Variants in RD3L observed in about 807,000 individuals in gnomAD.
RD3L encodes the protein protein RD3-like.
Under a neutral mutation model 12.5 loss-of-function variants are expected in RD3L, and 6 were observed. That is an observed-to-expected ratio of 0.48 (90% confidence interval 0.26 to 0.95). RD3L has a LOEUF of 0.95. Among genes scored for constraint, RD3L ranks in the 40% least tolerant of loss-of-function variants. The pLI is 0.14. For synonymous variants in RD3L, 87 were observed against 79.3 expected (o/e 1.10, Z -0.52); for missense variants, 234 against 228.6 (o/e 1.02, Z -0.15).
At chr14:103,941,184 A>G (rs1266341509) in intron 2 of RD3L, 81 bp from the exon 3 acceptor site, 6 of 1,159,872 alleles carry the variant, frequency 5.2e-6, no homozygotes, top group Non-Finnish European at 7.1e-6. Context: ...AGCTTGAATA[A>G]TGTATACAAG....
In RD3L at chr14:103,941,636, A is replaced by G. The variant is rs1566726411; in HGVS notation, c.60T>C (p.Tyr20=). The G allele has an allele frequency of 2.0e-6, 3 of 1,535,252 alleles. No homozygotes were observed. Among genetic ancestry groups the G allele is most frequent in the Middle Eastern group, 1.7e-4 (1 of 5,984 alleles). ...TCTTTGTCACTATGTCTGAGCCAGG[A>G]TAGTGTGTGGGTTTGTAGGAATCGT... ...PKNDSYKPTH[Y]PGSDIVTKTL... Residue 20 remains tyrosine, a synonymous_variant, in exon 2 of 3, where the codon TAT becomes TAC. Transcript: ENST00000557640.
chr14:103,941,746 T>C, intron 1 of RD3L, 44 bp from the exon 2 acceptor site: 1 of 1,320,722 alleles, frequency 7.6e-7, no homozygotes, highest in Non-Finnish European at 1.0e-6. Flanking sequence ...AAATGTTATG[T>C]TCTTCTGAGC....
Position 103,941,669 on chromosome 14 carries a change from C to A in RD3L, c.27G>T (p.Trp9Cys). MPLFGWMK[W>C]PKNDSYKPTH... Reference sequence around the variant, plus strand: ...TGGGTTTGTAGGAATCGTTTTTGGGCCATTTCATCCAGCCAAAAAGTGGCA... The same window carrying A: ...TGGGTTTGTAGGAATCGTTTTTGGGACATTTCATCCAGCCAAAAAGTGGCA... Residue 9 changes from tryptophan (W) to cysteine (C), a missense_variant, in exon 2 of 3, where the codon TGG becomes TGT. Transcript: ENST00000557640. 1 of 1,520,578 alleles carries A rather than the reference C, an allele frequency of 6.6e-7. No homozygotes were observed. Among genetic ancestry groups the A allele is most frequent in the South Asian group, 1.2e-5 (1 of 81,144 alleles). 94.2% of individuals were successfully genotyped at this position (1,520,578 alleles called of 1,614,324 possible).
rs2152119961 is a variant in RD3L at position 103,941,478 on chromosome 14, G to A, written c.218C>T (p.Thr73Ile). The change falls in exon 2 of 3, where the codon ACT becomes ATT. Residue 73 changes from threonine (T) to isoleucine (I), a missense_variant. Coordinates refer to ENST00000557640, the MANE Select transcript of RD3L (RefSeq NM_001257268.2). ...WLRNYQNPHT[T>I]IPVTEQRQLE... The stretch of plus-strand genomic sequence containing the variant: ...TTGTCTTTGTTCAGTCACTGGGATA[G>A]TTGTGTGGGGATTCTGGTAGTTTCT... 6.5e-7 allele frequency: 1 copy of A among 1,535,296 alleles called. No individual in the cohort carries two copies. The highest frequency in any genetic ancestry group is 2.4e-5 in the East Asian group (1 of 40,914).
intron 2 of RD3L, 49 bp from the exon 3 acceptor site, chr14:103,941,152 T>C (rs1595895461): frequency 3.0e-6 from 4 of 1,332,672 alleles, no homozygotes; most frequent in Non-Finnish European, 3.1e-6. Context: ...TTTTTTGTTA[T>C]ATCTCTTTAT....
chr14:103,941,536 C>G lies in RD3L; in HGVS notation c.160G>C (p.Val54Leu), dbSNP rs2152119987. Reference sequence around the variant, plus strand: ...TTGTAATCCACACCTGTTTTTTTCACTTTTTGTTCATTTTCGATTTCTTGT... The same window carrying G: ...TTGTAATCCACACCTGTTTTTTTCAGTTTTTGTTCATTTTCGATTTCTTGT... The part of the protein sequence containing the change: ...LIQEIENEQK[V>L]KKTGVDYNWL... Residue 54 changes from valine to leucine, a missense_variant, in exon 2 of 3, where the codon GTG (valine) becomes CTG (leucine). Val to Leu is a conservative substitution (Grantham distance 32, BLOSUM62 1). Coordinates refer to ENST00000557640, the MANE Select transcript of RD3L (RefSeq NM_001257268.2). 5 of 1,535,270 alleles carry G rather than the reference C, an allele frequency of 3.3e-6. No homozygotes were observed. Among genetic ancestry groups the G allele is most frequent in the African/African-American group, 2.7e-5 (2 of 73,102 alleles).
rs1295085360 is a variant in RD3L at position 103,941,582 on chromosome 14, T to A, written c.114A>T (p.Leu38=). Residue 38 remains leucine, a synonymous_variant, in exon 2 of 3, where the codon CTA becomes CTT. Coordinates refer to ENST00000557640, the MANE Select transcript of RD3L (RefSeq NM_001257268.2). The stretch of plus-strand genomic sequence containing the variant: ...CTTGTATTAATCTCTCTCGCTCCTT[T>A]AGGTGCCATTTTAATTCCCGAAGCA... ...KTLLRELKWH[L]KERERLIQEI... 6.5e-7 allele frequency: 1 copy of A among 1,535,354 alleles called. No individual in the cohort carries two copies.
chr14:103,941,237 G>A, intron 2 of RD3L, 134 bp from the exon 3 acceptor site: 1 of 950,464 alleles, frequency 1.1e-6, no homozygotes, highest in Non-Finnish European at 1.5e-6. Context: ...TTAAAATTAT[G>A]CTTCTAGTAA....
intron 2 of RD3L, 129 bp from the exon 3 acceptor site, chr14:103,941,232 AT>A: frequency 1.0e-5 from 10 of 969,264 alleles, no homozygotes; most frequent in Non-Finnish European, 1.5e-5. Flanking sequence ...TTGTTTTAAA[AT>A]TATGCTTCTA....
rs1331527061 is a variant in RD3L, at chr14:103,942,151, G to A, written c.-67C>T. ...AGAGTTGACTGAAGTTGGTGACGAA[G>A]CTGTGTTTCACTGGGACGTATCTTG... On this transcript the variant is annotated 5_prime_UTR_variant, in exon 1 of 3. Coordinates refer to ENST00000557640, the MANE Select transcript of RD3L (RefSeq NM_001257268.2). 6.1e-6 allele frequency: 1 copy of A among 162,608 alleles called. No individual in the cohort carries two copies. The highest frequency in any genetic ancestry group is 1.3e-5 in the Non-Finnish European group (1 of 75,338). 10.1% of individuals were successfully genotyped at this position (162,608 alleles called of 1,614,324 possible).
Position 103,940,806 on chromosome 14 carries a change from T to G in RD3L, c.597A>C (p.Ter199TyrextTer5). The G allele has an allele frequency of 6.5e-7, 1 of 1,529,380 alleles. No individual in the cohort carries two copies. Among genetic ancestry groups the G allele is most frequent in the Non-Finnish European group, 8.8e-7 (1 of 1,141,292 alleles). The allele number at this position is 1,529,380 out of a possible 1,614,324, so 94.7% of individuals were successfully genotyped here. A position where few individuals can be genotyped will look rare whatever the true frequency, so the allele number is the denominator to read the frequency against. ...AAAAACCCCTCTAGTTGTAAGTAAC[T>G]TAACTAGATGGGTGATAATATGGTA... Reference protein sequence around the residue: ...WNLPYYHPSS* With the variant: ...WNLPYYHPSSY Residue 199 changes from the stop codon to tyrosine (Y), a stop_lost, in exon 3 of 3, where the codon TAA becomes TAC. Transcript: ENST00000557640.
At position 103,941,473 on chromosome 14, in the gene RD3L, G is replaced by T. The variant is rs1310411549; in HGVS notation, c.223C>A (p.Pro75Thr). The stretch of plus-strand genomic sequence containing the variant: ...TCAAGTTGTCTTTGTTCAGTCACTG[G>T]GATAGTTGTGTGGGGATTCTGGTAG... ...RNYQNPHTTI[P>T]VTEQRQLEVL... The change falls in exon 2 of 3, where the codon CCA (proline) becomes ACA (threonine). Residue 75 changes from proline (P) to threonine (T), a missense_variant. By Grantham distance (38) the Pro-to-Thr change is conservative. Transcript: ENST00000557640. The T allele has an allele frequency of 6.5e-7, 1 of 1,535,240 alleles. No homozygotes were observed. Among genetic ancestry groups the T allele is most frequent in the South Asian group, 1.2e-5 (1 of 84,054 alleles).
chr14:103,941,788 G>A (rs903775588), intron 1 of RD3L, 86 bp from the exon 2 acceptor site: 98 of 990,260 alleles, frequency 9.9e-5, no homozygotes, highest in East Asian at 5.6e-4. Context: ...AAATTTGCCC[G>A]AAAAGTGCAC....
At chr14:103,941,127 A>G (rs2031203444) in intron 2 of RD3L, 24 bp from the exon 3 acceptor site, 2 of 1,513,266 alleles carry the variant, frequency 1.3e-6, no homozygotes, top group Non-Finnish European at 8.8e-7. Context: ...GGTAATGAAT[A>G]TTCAGTTTAG....
rs747006758 is a variant in RD3L at position 103,940,958 on chromosome 14, C to CA, written c.444dup (p.Ala149CysfsTer8). On this transcript the variant is annotated frameshift_variant, in exon 3 of 3. Transcript: ENST00000557640. LOFTEE classifies it low-confidence loss of function (END_TRUNC). ...CTGTCACCTTGGATCACAGAAGGAG[C>CA]AGAGCAGTCCATGCTCCCTGAGTCC... 6.5e-7 allele frequency: 1 copy of CA among 1,535,322 alleles called. No homozygotes were observed. Among genetic ancestry groups the CA allele is most frequent in the African/African-American group, 1.4e-5 (1 of 73,008 alleles).
Position 103,941,043 on chromosome 14 carries a change from C to G in RD3L, c.360G>C (p.Lys120Asn). 2.6e-6 allele frequency: 4 copies of G among 1,535,350 alleles called. No homozygotes were observed. Among genetic ancestry groups the G allele is most frequent in the Non-Finnish European group, 3.5e-6 (4 of 1,146,640 alleles). The change falls in exon 3 of 3, where the codon AAG becomes AAC. Residue 120 changes from lysine to asparagine, a missense_variant. By Grantham distance (94) the Lys-to-Asn change is moderately conservative. Transcript: ENST00000557640. Reference sequence around the variant, plus strand: ...TGCTTAGGAAGTCTTTCAGAACTTGCTTGAAGATGTAGACTATTTCCCATG... The same window carrying G: ...TGCTTAGGAAGTCTTTCAGAACTTGGTTGAAGATGTAGACTATTTCCCATG... The part of the protein sequence containing the change: ...VLPWEIVYIF[K>N]QVLKDFLSSS...
chr14:103,941,558 T>G lies in RD3L; in HGVS notation c.138A>C (p.Gln46His), dbSNP rs2152120012. ...TCACTTTTTGTTCATTTTCGATTTC[T>G]TGTATTAATCTCTCTCGCTCCTTTA... is the stretch of plus-strand genomic sequence containing the variant. The part of the protein sequence containing the change: ...WHLKERERLI[Q>H]EIENEQKVKK... Residue 46 changes from glutamine (Q) to histidine (H), a missense_variant, in exon 2 of 3, where the codon CAA (glutamine) becomes CAC (histidine). Physicochemically the swap from Gln to His is conservative, Grantham distance 24. Transcript: ENST00000557640. 2.0e-6 allele frequency: 3 copies of G among 1,535,424 alleles called. No homozygotes were observed. The East Asian group carries it at 7.3e-5, about 38-fold the overall frequency.
At position 103,940,895 on chromosome 14, in the gene RD3L, A is replaced by C. The variant is rs1291502611; in HGVS notation, c.508T>G (p.Ser170Ala). 1 of 1,535,254 alleles carries C rather than the reference A, an allele frequency of 6.5e-7. No homozygotes were observed. Among genetic ancestry groups the C allele is most frequent in the Non-Finnish European group, 8.7e-7 (1 of 1,146,680 alleles). ...TTTGTGTTTTTGTCTACGTAACTGG[A>C]AATGGTGGGTATTTCATCTTTGTCT... is the stretch of plus-strand genomic sequence containing the variant. ...RADKDEIPTI[S>A]SYVDKNTKDR... Residue 170 changes from serine to alanine, a missense_variant, in exon 3 of 3, where the codon TCC (serine) becomes GCC (alanine). Physicochemically the swap from Ser to Ala is moderately conservative, Grantham distance 99 (BLOSUM62 1). Coordinates refer to ENST00000557640, the MANE Select transcript of RD3L (RefSeq NM_001257268.2).
Position 103,942,350 on chromosome 14 carries a change from A to G in RD3L, c.-266T>C, listed in dbSNP as rs963070676. 6.6e-6 allele frequency: 1 copy of G among 152,216 alleles called. No individual in the cohort carries two copies. Among genetic ancestry groups the G allele is most frequent in the African/African-American group, 2.4e-5 (1 of 41,442 alleles). The allele number at this position is 152,216 out of a possible 1,614,324, so 9.4% of individuals were successfully genotyped here. A position where few individuals can be genotyped will look rare whatever the true frequency, so the allele number is the denominator to read the frequency against. On this transcript the variant is annotated 5_prime_UTR_variant, in exon 1 of 3. Coordinates refer to ENST00000557640, the MANE Select transcript of RD3L (RefSeq NM_001257268.2). ...CTAGAAGAAATGACAAAAATAACTGACTATTTAATCTTCACAAGTTATATA... is the reference window on the plus strand; with the variant it reads ...CTAGAAGAAATGACAAAAATAACTGGCTATTTAATCTTCACAAGTTATATA...
Sources: gnomAD v4.1 joint callset for allele counts on GRCh38, gnomAD v4.1.1 for gene constraint, MANE v1.5 for transcripts, NCBI Gene and HGNC (gene_info 2026-07-23, HGNC 2026-07-21) for gene names.